The following TLE2 variants were observed in gnomAD, a reference collection of about 807,000 sequenced individuals.
The protein encoded by TLE2 is TLE family member 2, transcriptional corepressor, also known as transducin-like enhancer protein 2.
A neutral mutation model predicts 97.2 loss-of-function variants in TLE2; 74 were observed. The observed-to-expected ratio is 0.76, with a 90% CI of 0.63 to 0.92. TLE2 has a LOEUF of 0.92. TLE2 is among the 40% of genes least tolerant of loss of function. The pLI, the probability that TLE2 is intolerant of heterozygous loss-of-function variation, is 0.00. For synonymous variants in TLE2, 499 were observed against 432.1 expected, an observed-to-expected ratio of 1.15 and a Z score of -1.92; for missense variants, 1,038 against 1,008.7, an observed-to-expected ratio of 1.03 and a Z score of -0.39.
chr19:2,998,344 C>G (rs2089272104), intron 19 of TLE2, among the ~76,000 whole-genome samples: 2 of 149,514 alleles, frequency 1.3e-5, no homozygotes, highest in South Asian at 2.1e-4. Flanking sequence ...ATGGTGTGAT[C>G]TCTGCTCACT....
At chr19:3,027,787 C>G (rs963893550) in intron 4 of TLE2, 42 bp downstream of exon 4, 1 of 1,598,958 alleles carries the variant, frequency 6.3e-7, no homozygotes, top group Non-Finnish European at 8.5e-7. Flanking sequence ...CTTCCAGACC[C>G]CCACCCTCCC....
chr19:3,036,134 A>T (rs1358013898), intron 1 of TLE2, among the ~76,000 whole-genome samples: 1 of 151,938 alleles, frequency 6.6e-6, no homozygotes, highest in Non-Finnish European at 1.5e-5. Flanking sequence ...GAACGGTCTC[A>T]GTTTTACCCC....
Position 3,013,935 on chromosome 19 carries a change from A to G in TLE2, c.724-117T>C, listed in dbSNP as rs2089648982. On this transcript the variant is annotated intron_variant, in intron 10 of 19. Transcript: ENST00000262953. ...CTAGAATGGGTACCCATGACCCACC[A>G]TGGGAAGATTATGAAATCTTCTGCT... The G allele has an allele frequency of 5.7e-6, 6 of 1,047,002 alleles. No individual in the cohort carries two copies. In the East Asian group the frequency reaches 1.5e-4, roughly 26 times the overall value. The allele number at this position is 1,047,002 out of a possible 1,614,324, so 64.9% of individuals were successfully genotyped here.
chr19:3,043,423 C>T (rs113666435), intron 1 of TLE2, among the ~76,000 whole-genome samples: 18,947 of 147,482 alleles, frequency 0.13, 1,745 homozygotes, highest in Non-Finnish European at 0.19. Flanking sequence ...GTGATCCGCC[C>T]GCTTCAGCCT....
intron 14 of TLE2, among the ~76,000 whole-genome samples, chr19:3,006,931 C>T (rs1480642445): frequency 6.6e-6 from 1 of 151,418 alleles, no homozygotes; most frequent in Non-Finnish European, 1.5e-5. Flanking sequence ...TACAGGCATG[C>T]GCCACCATGC....
Position 3,020,004 on chromosome 19 carries a change from C to A in TLE2, c.295-231G>T, listed in dbSNP as rs999854937. The A allele has an allele frequency of 5.0e-6, 3 of 600,978 alleles. No individual in the cohort carries two copies. In the South Asian group the frequency reaches 6.5e-5, roughly 13 times the overall value. The allele number at this position is 600,978 out of a possible 1,614,324, so 37.2% of individuals were successfully genotyped here. Reference sequence around the variant, plus strand: ...CAGGTAGAATAGTTACAAATCAGGCCGGGCATGGTGGCTCACGCCTGGAAT... The same window carrying A: ...CAGGTAGAATAGTTACAAATCAGGCAGGGCATGGTGGCTCACGCCTGGAAT... On this transcript the variant is annotated intron_variant, in intron 5 of 19. Coordinates refer to ENST00000262953, the MANE Select transcript of TLE2 (RefSeq NM_003260.5).
At chr19:3,039,880 A>G (rs2090087512) in intron 1 of TLE2, among the ~76,000 whole-genome samples, 1 of 152,200 alleles carries the variant, frequency 6.6e-6, no homozygotes, top group African/African-American at 2.4e-5. Flanking sequence ...GCCTGGGTTC[A>G]AACCCCACCT....
intron 19 of TLE2, 21 bp from the exon 20 acceptor site, chr19:2,997,976 G>A (rs2089253501): frequency 6.3e-7 from 1 of 1,576,236 alleles, no homozygotes; most frequent in Non-Finnish European, 8.7e-7. Context: ...AAGGGAGAGA[G>A]AAAAGGGCAC....
At position 3,006,579 on chromosome 19, in the gene TLE2, G is replaced by A. The variant is rs559539463; in HGVS notation, c.1341C>T (p.His447=). 10 of 1,605,260 alleles carry A rather than the reference G, an allele frequency of 6.2e-6. No homozygotes were observed. The highest frequency in any genetic ancestry group is 1.1e-5 in the South Asian group (1 of 89,752). The change falls in exon 15 of 20, where the codon CAC becomes CAT. Residue 447 remains histidine, a synonymous_variant. Transcript: ENST00000262953. ...GGGCCAGCGTGTGCAGCTGCCGGGC[G>A]TGCCGCGGGATGCCCGCGCCTACCA... ...DALVGAGIPR[H]ARQLHTLAHG... is the part of the protein sequence containing the mutation.
chr19:2,997,869 G>A lies in TLE2; in HGVS notation c.2211C>T (p.Thr737=), dbSNP rs199703619. 1,234 of 1,610,802 alleles carry A rather than the reference G, an allele frequency of 7.7e-4. 1 individual carries two copies. Among genetic ancestry groups the A allele is most frequent in the Admixed American group, 1.3e-3 (79 of 59,546 alleles). ...TGTCTCAGTAGACCACCTCATACAC[G>A]GTGGCCTTCTTGTCCCCCGAGCCTG... ...IVTGSGDKKA[T]VYEVVY is the part of the protein sequence containing the mutation. Residue 737 remains threonine, a synonymous_variant, in exon 20 of 20, where the codon ACC becomes ACT. Transcript: ENST00000262953.
upstream of TLE2, among the ~76,000 whole-genome samples, chr19:3,033,253 T>C (rs2090039781): frequency 6.6e-6 from 1 of 152,018 alleles, no homozygotes; most frequent in Non-Finnish European, 1.5e-5. Context: ...CTGCAAGCTC[T>C]GCCTCCCAGG....
upstream of TLE2, chr19:3,047,629 A>G (rs2090154580): frequency 6.6e-6 from 1 of 152,084 alleles, no homozygotes; most frequent in South Asian, 2.1e-4. Flanking sequence ...TTCTCAGTAC[A>G]ATTTTCCAGA....
intron 5 of TLE2, among the ~76,000 whole-genome samples, chr19:3,023,139 C>G (rs1352168718): frequency 1.3e-5 from 2 of 151,868 alleles, no homozygotes; most frequent in Admixed American, 6.6e-5. Context: ...ACTGCAACCT[C>G]CACCCCCCGG....
At chr19:3,017,711 C>A in intron 8 of TLE2, 129 bp downstream of exon 8, 1 of 794,426 alleles carries the variant, frequency 1.3e-6, no homozygotes, top group East Asian at 2.9e-5. Flanking sequence ...CTCTGCCTAC[C>A]AAAGTGCTGG....
intron 1 of TLE2, among the ~76,000 whole-genome samples, chr19:3,037,322 T>C (rs1232752552): frequency 6.6e-6 from 1 of 152,132 alleles, no homozygotes; most frequent in Non-Finnish European, 1.5e-5. Flanking sequence ...CAAAAAGATG[T>C]TGGGTTTCGG....
Position 3,028,433 on chromosome 19 carries a change from G to T in TLE2, c.123-51C>A, listed in dbSNP as rs2089982842. 3.3e-6 allele frequency: 5 copies of T among 1,533,614 alleles called. No homozygotes were observed. The African/African-American group carries it at 5.5e-5, about 17-fold the overall frequency. On this transcript the variant is annotated intron_variant, in intron 2 of 19. Transcript: ENST00000262953. ...GCTCCCACCCGCCCCATGTGGGCCG[G>T]CTTCCAAAGTGAGAGGCTGGATCTC...
rs752733064 is a variant in TLE2 at position 3,028,734 on chromosome 19, ATTC to A, written c.91_93del (p.Glu31del). On this transcript the variant is annotated inframe_deletion, in exon 2 of 20. Coordinates refer to ENST00000262953, the MANE Select transcript of TLE2 (RefSeq NM_003260.5). ...TGGTATTGAGCCTGAAGAAACTGGAATTCTTCTTTGATGCGGTCGCAGATCTCC... is the reference window on the plus strand; with the variant it reads ...TGGTATTGAGCCTGAAGAAACTGGAATTCTTTGATGCGGTCGCAGATCTCC... The A allele has an allele frequency of 2.0e-5, 33 of 1,612,790 alleles. No individual in the cohort carries two copies. The highest frequency in any genetic ancestry group is 2.6e-5 in the Non-Finnish European group (31 of 1,179,782).
At chr19:3,031,802 C>T (rs2090026950), upstream of TLE2, among the ~76,000 whole-genome samples, 1 of 152,188 alleles carries the variant, frequency 6.6e-6, no homozygotes, top group African/African-American at 2.4e-5. Context: ...TCAAAAGCTA[C>T]CTCCTCAGAA....
intron 5 of TLE2, among the ~76,000 whole-genome samples, chr19:3,020,776 A>G (rs1244187027): frequency 6.6e-6 from 1 of 151,662 alleles, no homozygotes. Flanking sequence ...GAGCTGTGGG[A>G]CTCTGCTGCG....
Sources: allele counts gnomAD v4.1 joint callset (sites outside exome capture counted in the v4.1 genomes callset), GRCh38; gene constraint gnomAD v4.1.1; transcripts MANE v1.5; gene names NCBI Gene and HGNC (gene_info 2026-07-23, HGNC 2026-07-21).